Variants in MRTFA observed in about 807,000 individuals in gnomAD.
MRTFA encodes myocardin related transcription factor A.
MRTFA carries 20 observed loss-of-function variants against 83.5 expected under a neutral mutation model. The ratio of observed to expected loss-of-function variants is 0.24; its 90% CI spans 0.17 to 0.35. The LOEUF (loss-of-function observed/expected upper bound fraction) is 0.35. Ranked by LOEUF, MRTFA falls within the 10% of genes least tolerant of loss-of-function variation. MRTFA has a pLI of 1.00. For synonymous variants in MRTFA, 659 were observed against 541.2 expected, an observed-to-expected ratio of 1.22 and a Z score of -3.02; for missense variants, 1,200 against 1,224.7, an observed-to-expected ratio of 0.98 and a Z score of 0.30.
At chr22:40,445,243 G>C (rs548455660) in intron 4 of MRTFA, among the ~76,000 whole-genome samples, 2 of 152,142 alleles carry the variant, frequency 1.3e-5, no homozygotes, top group African/African-American at 4.8e-5. Context: ...GACCTAGATT[G>C]ACCAGTTATC....
rs141021516 is a variant in MRTFA at position 40,525,707 on chromosome 22, C to T, written c.241+26399G>A. ...CTGTAGTGCCTCTTCAGTTAGGGCA[C>T]GCTATACAAATATTTACAAGGCATG... On this transcript the variant is annotated intron_variant, in intron 3 of 14. Transcript: ENST00000355630. Among the ~76,000 whole-genome samples, 6 of 152,186 alleles carry T rather than the reference C, an allele frequency of 3.9e-5. No homozygotes were observed. In the East Asian group the frequency reaches 1.2e-3, roughly 29 times the overall value.
chr22:40,476,939 T>A (rs908892832), intron 3 of MRTFA, among the ~76,000 whole-genome samples: 1 of 152,122 alleles, frequency 6.6e-6, no homozygotes, highest in East Asian at 1.9e-4. Context: ...AGAAAGGGTT[T>A]ACTGTCAACT....
intron 4 of MRTFA, among the ~76,000 whole-genome samples, chr22:40,452,561 G>A (rs1032495865): frequency 1.3e-5 from 2 of 152,064 alleles, no homozygotes; most frequent in Non-Finnish European, 2.9e-5. Flanking sequence ...AATGGCTCAT[G>A]ACTGTAATCC....
intron 2 of MRTFA, among the ~76,000 whole-genome samples, chr22:40,565,446 C>T (rs1442984737): frequency 6.6e-6 from 1 of 152,154 alleles, no homozygotes; most frequent in Non-Finnish European, 1.5e-5. Context: ...ACTCCGGGGG[C>T]TGAGGTGAGA....
chr22:40,497,550 C>T (rs544837977), intron 3 of MRTFA, among the ~76,000 whole-genome samples: 2 of 150,850 alleles, frequency 1.3e-5, no homozygotes, highest in South Asian at 2.1e-4. Context: ...GTCAGGAGTT[C>T]GAGACCAGCC....
intron 7 of MRTFA, 63 bp downstream of exon 7, chr22:40,429,543 T>C: frequency 6.3e-7 from 1 of 1,595,820 alleles, no homozygotes; most frequent in Non-Finnish European, 8.6e-7. Context: ...TGCTTCAGCC[T>C]GGCACTCCCT....
intron 3 of MRTFA, among the ~76,000 whole-genome samples, chr22:40,490,364 G>A (rs574530713): frequency 5.9e-5 from 9 of 152,252 alleles, no homozygotes; most frequent in African/African-American, 2.2e-4. Context: ...ACTTTGGGAG[G>A]CCAAGGCCGG....
chr22:40,535,618 G>A (rs1185679084), intron 3 of MRTFA, among the ~76,000 whole-genome samples: 3 of 152,132 alleles, frequency 2.0e-5, no homozygotes. Context: ...TACCCAAAGT[G>A]TTGGGATTAC....
chr22:40,532,967 A>C (rs961466760), intron 3 of MRTFA, among the ~76,000 whole-genome samples: 2 of 152,210 alleles, frequency 1.3e-5, no homozygotes, highest in African/African-American at 4.8e-5. Flanking sequence ...AAACCACTGA[A>C]AACTAACTAT....
At position 40,459,808 on chromosome 22, in the gene MRTFA, C is replaced by T. The variant is rs1454115440; in HGVS notation, c.307+3413G>A. Among the ~76,000 whole-genome samples, 3 of 115,346 alleles carry T rather than the reference C, an allele frequency of 2.6e-5. No homozygotes were observed. In the South Asian group the frequency reaches 9.4e-4, roughly 36 times the overall value. The allele number at this position is 115,346 out of a possible 152,430, so 75.7% of individuals were successfully genotyped here. ...ACACACACACACACACACACACACA[C>T]ACACACACACACACATATATACATA... On this transcript the variant is annotated intron_variant, in intron 4 of 14. Coordinates refer to ENST00000355630, the MANE Select transcript of MRTFA (RefSeq NM_020831.6).
chr22:40,422,686 CA>C (rs1569255627), intron 9 of MRTFA, among the ~76,000 whole-genome samples: 1 of 152,188 alleles, frequency 6.6e-6, no homozygotes, highest in Admixed American at 6.5e-5. Context: ...CTGGGGATGT[CA>C]CCATGGGACA....
intron 3 of MRTFA, among the ~76,000 whole-genome samples, chr22:40,473,973 T>C (rs1407800809): frequency 6.6e-6 from 1 of 152,206 alleles, no homozygotes; most frequent in Non-Finnish European, 1.5e-5. Flanking sequence ...CCTGGGTTAC[T>C]TTCCAGCATC....
At chr22:40,573,646 TAATTCCA>T (rs2055829010) in intron 2 of MRTFA, among the ~76,000 whole-genome samples, 1 of 152,034 alleles carries the variant, frequency 6.6e-6, no homozygotes, top group African/African-American at 2.4e-5. Context: ...CCCATACCTG[TAATTCCA>T]GAACTTTGGG....
chr22:40,431,472 G>A lies in MRTFA; in HGVS notation c.372C>T (p.Asp124=), dbSNP rs770590869. 4 of 1,613,968 alleles carry A rather than the reference G, an allele frequency of 2.5e-6. No homozygotes were observed. In the South Asian group the frequency reaches 4.4e-5, roughly 18 times the overall value. Reference sequence around the variant, plus strand: ...GGGAACGAATCTTCCGTTTGAGATAGTCCTCTGTCTACAGAAAAAACACAC... The same window carrying A: ...GGGAACGAATCTTCCGTTTGAGATAATCCTCTGTCTACAGAAAAAACACAC... Residue 124 remains aspartate (D), a synonymous_variant, in exon 6 of 15, where the codon GAC becomes GAT. Transcript: ENST00000355630.
rs1171033164 is a variant in MRTFA, at chr22:40,424,392, A to G, written c.602-11T>C. On this transcript the variant is annotated splice_polypyrimidine_tract_variant and intron_variant, in intron 7 of 14. Coordinates refer to ENST00000355630, the MANE Select transcript of MRTFA (RefSeq NM_020831.6). ...AGTTCACCTGGCCCACTGAAACCCA[A>G]AGCTGGTGTGAGATTCCACTTCCAG... 1.9e-6 allele frequency: 3 copies of G among 1,612,056 alleles called. No individual in the cohort carries two copies. Among genetic ancestry groups the G allele is most frequent in the Middle Eastern group, 1.7e-4 (1 of 6,042 alleles).
chr22:40,535,177 C>A (rs112481584), intron 3 of MRTFA, among the ~76,000 whole-genome samples: 41 of 152,168 alleles, frequency 2.7e-4, no homozygotes, highest in African/African-American at 9.4e-4. Context: ...TTCTGGCAAC[C>A]AAATTTTCAA....
chr22:40,437,758 G>A (rs34503826), intron 4 of MRTFA, among the ~76,000 whole-genome samples: 59,116 of 139,262 alleles, frequency 0.42, 12,553 homozygotes, highest in South Asian at 0.59. Context: ...GCAAGACTCC[G>A]TCTCAAAAAA....
chr22:40,613,375 T>C (rs1456120955), intron 1 of MRTFA, among the ~76,000 whole-genome samples: 4 of 152,212 alleles, frequency 2.6e-5, no homozygotes, highest in Non-Finnish European at 4.4e-5. Context: ...TATTGCTAAA[T>C]TGAATAAGTA....
intron 2 of MRTFA, among the ~76,000 whole-genome samples, chr22:40,567,851 T>C (rs1277722116): frequency 1.3e-5 from 2 of 152,206 alleles, no homozygotes; most frequent in Non-Finnish European, 2.9e-5. Context: ...TATTTTCCAG[T>C]GCCAGAAGCC....
Sources: gnomAD v4.1 joint callset for allele counts (sites outside exome capture counted in the v4.1 genomes callset) on GRCh38, gnomAD v4.1.1 for gene constraint, MANE v1.5 for transcripts, NCBI Gene and HGNC (gene_info 2026-07-23, HGNC 2026-07-21) for gene names.